WDR76: variants seen among roughly 807,000 people sequenced by gnomAD.
The protein encoded by WDR76 is WD repeat domain 76.
Under a neutral mutation model 70.2 loss-of-function variants are expected in WDR76, and 52 were observed. The ratio of observed to expected loss-of-function variants is 0.74; its 90% CI spans 0.59 to 0.93. The LOEUF is 0.93. WDR76 is among the 40% of genes least tolerant of loss of function. The pLI is 0.00. For missense variants in WDR76, 756 were observed against 760.2 expected (o/e 0.99, Z 0.07); for synonymous variants, 292 against 271.1 (o/e 1.08, Z -0.76).
chr15:43,861,669 T>C (rs927570653), intron 12 of WDR76, among the ~76,000 whole-genome samples: 2 of 152,266 alleles, frequency 1.3e-5, no homozygotes, highest in African/African-American at 2.4e-5. Context: ...GAATTACTCA[T>C]GTTATCTTAT....
chr15:43,834,655 C>T lies in WDR76; in HGVS notation c.463-406C>T, dbSNP rs148450613. ...AGAGATGAGGTTTCACCATTTTGGC[C>T]AGGTTGGTCTTGAACTCCAGACCTC... On this transcript the variant is annotated intron_variant, in intron 2 of 12. Coordinates refer to ENST00000263795, the MANE Select transcript of WDR76 (RefSeq NM_024908.4). Among the ~76,000 whole-genome samples the T allele has an allele frequency of 4.6e-5, 7 of 152,106 alleles. No individual in the cohort carries two copies. The East Asian group carries it at 1.4e-3, about 29-fold the overall frequency.
At chr15:43,835,008 C>A in intron 2 of WDR76, 53 bp from the exon 3 acceptor site, 2 of 1,481,546 alleles carry the variant, frequency 1.3e-6, no homozygotes, top group Non-Finnish European at 1.9e-6. Context: ...TTGTGAAGTG[C>A]TTTTCCTGTA....
intron 2 of WDR76, among the ~76,000 whole-genome samples, chr15:43,833,326 T>C (rs544213946): frequency 4.0e-5 from 6 of 149,516 alleles, no homozygotes; most frequent in Admixed American, 1.3e-4. Context: ...TTTTCTTTTT[T>C]TTTTTTTTTT....
intron 9 of WDR76, among the ~76,000 whole-genome samples, chr15:43,854,676 C>T (rs1034349351): frequency 2.0e-5 from 3 of 151,590 alleles, no homozygotes; most frequent in Admixed American, 6.6e-5. Context: ...GAGCTGGGCG[C>T]AGTGGCTCAC....
intron 2 of WDR76, among the ~76,000 whole-genome samples, chr15:43,829,933 C>T (rs1266754796): frequency 6.6e-6 from 1 of 151,948 alleles, no homozygotes. Context: ...AACTCCATTG[C>T]AGGGCCCCAC....
chr15:43,853,811 C>T (rs555498053), intron 9 of WDR76, among the ~76,000 whole-genome samples: 14 of 150,110 alleles, frequency 9.3e-5, no homozygotes, highest in Non-Finnish European at 2.1e-4. Context: ...GACGCTGAGG[C>T]AGGAGAATCG....
intron 12 of WDR76, among the ~76,000 whole-genome samples, chr15:43,863,232 CCA>C (rs2088026042): frequency 6.6e-6 from 1 of 152,120 alleles, no homozygotes; most frequent in Non-Finnish European, 1.5e-5. Context: ...GCCACTGCAT[CCA>C]GTCTTATTTT....
intron 12 of WDR76, among the ~76,000 whole-genome samples, chr15:43,864,580 A>G (rs1301483526): frequency 1.3e-5 from 2 of 150,640 alleles, no homozygotes; most frequent in Non-Finnish European, 3.0e-5. Flanking sequence ...TCTTTTGCCC[A>G]TTTTTTAATT....
Position 43,866,476 on chromosome 15 carries a change from T to G in WDR76, c.*84T>G. 1 of 1,449,272 alleles carries G rather than the reference T, an allele frequency of 6.9e-7. No homozygotes were observed. The highest frequency in any genetic ancestry group is 1.3e-5 in the South Asian group (1 of 79,738). 89.8% of individuals were successfully genotyped at this position (1,449,272 alleles called of 1,614,324 possible). On this transcript the variant is annotated 3_prime_UTR_variant, in exon 13 of 13. Coordinates refer to ENST00000263795, the MANE Select transcript of WDR76 (RefSeq NM_024908.4). ...ATCGGCGTGCCTTAGTGTGTTTATG[T>G]GGTAATGTGTTACATTTAGCAATTA...
At chr15:43,836,855 A>G (rs2087662084) in intron 4 of WDR76, among the ~76,000 whole-genome samples, 1 of 150,288 alleles carries the variant, frequency 6.7e-6, no homozygotes, top group African/African-American at 2.5e-5. Context: ...ACATGGAGAA[A>G]CCCCATCGCT....
intron 10 of WDR76, 64 bp downstream of exon 10, chr15:43,857,227 G>T: frequency 1.4e-6 from 2 of 1,449,320 alleles, no homozygotes; most frequent in Non-Finnish European, 1.9e-6. Flanking sequence ...GGTTTAGTTT[G>T]GTTGTCAAAG....
intron 8 of WDR76, among the ~76,000 whole-genome samples, chr15:43,850,768 C>T (rs2087848068): frequency 1.3e-5 from 2 of 151,986 alleles, no homozygotes; most frequent in Non-Finnish European, 2.9e-5. Context: ...GCAATTATAC[C>T]ATGTGTGAAA....
In WDR76 at chr15:43,857,055, G is replaced by A; in HGVS notation, c.1301G>A (p.Arg434Gln). The A allele has an allele frequency of 5.0e-6, 8 of 1,613,994 alleles. No homozygotes were observed. The highest frequency in any genetic ancestry group is 6.8e-6 in the Non-Finnish European group (8 of 1,179,984). ...WDGNMSLVDR[R>Q]TPGTSYEKLT... Reference sequence around the variant, plus strand: ...GGAAATATGTCACTGGTGGATAGACGGACACCTGGAACTTCTTATGAGAAA... The same window carrying A: ...GGAAATATGTCACTGGTGGATAGACAGACACCTGGAACTTCTTATGAGAAA... Residue 434 changes from arginine to glutamine, a missense_variant, in exon 10 of 13, where the codon CGG becomes CAG. Transcript: ENST00000263795.
intron 8 of WDR76, among the ~76,000 whole-genome samples, chr15:43,849,174 CA>C (rs1221622507): frequency 0.11 from 6,599 of 60,862 alleles, 151 homozygotes; most frequent in African/African-American, 0.2. Flanking sequence ...GACTTCATCT[CA>C]AAAAAAAAAA....
chr15:43,842,587 T>C, intron 6 of WDR76, 41 bp from the exon 7 acceptor site: 1 of 1,597,894 alleles, frequency 6.3e-7, no homozygotes, highest in African/African-American at 1.3e-5. Flanking sequence ...TAAAAATATA[T>C]ACATACTAAC....
chr15:43,833,623 CT>C (rs796378317), intron 2 of WDR76, among the ~76,000 whole-genome samples: 1,781 of 137,534 alleles, frequency 0.013, 27 homozygotes, highest in African/African-American at 0.04. Context: ...CCAGCCCTTT[CT>C]TTTTTTTTTT....
intron 12 of WDR76, among the ~76,000 whole-genome samples, chr15:43,865,813 C>T (rs754765847): frequency 6.6e-6 from 1 of 152,154 alleles, no homozygotes; most frequent in Non-Finnish European, 1.5e-5. Flanking sequence ...GTAGTCCATA[C>T]TTTAATGAAA....
At chr15:43,846,102 C>A (rs933061068) in intron 8 of WDR76, among the ~76,000 whole-genome samples, 1 of 149,714 alleles carries the variant, frequency 6.7e-6, no homozygotes, top group Non-Finnish European at 1.5e-5. Flanking sequence ...GGGAGGTTGA[C>A]AGAGCCTTTT....
At chr15:43,831,731 C>T (rs769741983) in intron 2 of WDR76, among the ~76,000 whole-genome samples, 19 of 152,030 alleles carry the variant, frequency 1.2e-4, no homozygotes, top group Non-Finnish European at 2.2e-4. Context: ...TGAGCCACCG[C>T]GCATGCCATG....
Sources: allele counts gnomAD v4.1 joint callset (sites outside exome capture counted in the v4.1 genomes callset), GRCh38; gene constraint gnomAD v4.1.1; transcripts MANE v1.5; gene names NCBI Gene and HGNC (gene_info 2026-07-23, HGNC 2026-07-21).